The following ASTN2 variants were observed in gnomAD, a reference collection of about 807,000 sequenced individuals.
ASTN2 encodes the protein astrotactin 2.
ASTN2 carries 54 observed loss-of-function variants against 139.8 expected under a neutral mutation model. The observed-to-expected ratio is 0.39, with a 90% CI of 0.31 to 0.48. The LOEUF is 0.48. ASTN2 is among the 20% of genes least tolerant of loss of function. The pLI is 0.95. For missense variants in ASTN2, 1,565 were observed against 1,725.1 expected, an observed-to-expected ratio of 0.91 and a Z score of 1.64; for synonymous variants, 756 against 719.5, an observed-to-expected ratio of 1.05 and a Z score of -0.81.
At chr9:116,686,748 T>C (rs2132037109) in intron 16 of ASTN2, 8 of 1,550,628 alleles carry the variant, frequency 5.2e-6, no homozygotes, top group Non-Finnish European at 7.0e-6. Flanking sequence ...AGTCTGCCTC[T>C]GCTGTCGGCC....
chr9:116,588,303 A>C (rs1477861023), intron 19 of ASTN2, among the ~76,000 whole-genome samples: 2 of 152,224 alleles, frequency 1.3e-5, no homozygotes, highest in African/African-American at 4.8e-5. Context: ...CTATTGAAAG[A>C]CATGTTTTTG....
At chr9:117,238,957 G>A (rs1833127703) in intron 2 of ASTN2, among the ~76,000 whole-genome samples, 1 of 152,158 alleles carries the variant, frequency 6.6e-6, no homozygotes, top group African/African-American at 2.4e-5. Flanking sequence ...GTCTTTCTCA[G>A]CTATAAGATA....
chr9:116,737,438 A>T (rs1221477422), intron 13 of ASTN2, among the ~76,000 whole-genome samples: 1 of 149,568 alleles, frequency 6.7e-6, no homozygotes, highest in Non-Finnish European at 1.5e-5. Flanking sequence ...AATAATTCAG[A>T]TTCTTAGCGC....
At chr9:116,846,095 G>A (rs954191035) in intron 11 of ASTN2, among the ~76,000 whole-genome samples, 4 of 152,154 alleles carry the variant, frequency 2.6e-5, no homozygotes, top group African/African-American at 7.2e-5. Flanking sequence ...AGTGAAATAA[G>A]CCAGTCACAA....
chr9:117,407,490 A>T (rs1588020061), intron 1 of ASTN2, among the ~76,000 whole-genome samples: 1 of 152,210 alleles, frequency 6.6e-6, no homozygotes, highest in African/African-American at 2.4e-5. Flanking sequence ...GGGGATGAAG[A>T]AGTAGTTTCC....
chr9:116,493,517 T>C (rs1016393198), intron 19 of ASTN2, among the ~76,000 whole-genome samples: 3 of 152,084 alleles, frequency 2.0e-5, no homozygotes, highest in African/African-American at 7.2e-5. Flanking sequence ...CCACAGAAAA[T>C]GTTAATCATG....
chr9:116,586,136 T>C (rs1047301112), intron 19 of ASTN2: 1 of 151,986 alleles, frequency 6.6e-6, no homozygotes, highest in Non-Finnish European at 1.5e-5. Flanking sequence ...TATCAAAAAG[T>C]CAAAAAACAA....
chr9:116,698,047 C>A lies in ASTN2; in HGVS notation c.2806+27724G>T. 1.2e-6 allele frequency: 2 copies of A among 1,613,996 alleles called. No homozygotes were observed. Among genetic ancestry groups the A allele is most frequent in the Non-Finnish European group, 1.7e-6 (2 of 1,180,040 alleles). On this transcript the variant is annotated intron_variant, in intron 16 of 22. Coordinates refer to ENST00000313400, the MANE Select transcript of ASTN2 (RefSeq NM_001365068.1). The surrounding 1 kb of genome is among the most constrained non-coding windows in gnomAD (Gnocchi z 4.4). The stretch of plus-strand genomic sequence containing the variant: ...GCTGTGGGGCTGCTCATGTGTCGGT[C>A]CTGTGGGCGGCGTCTGCCCCGGCAA...
At chr9:116,894,424 C>G (rs1002003628) in intron 10 of ASTN2, among the ~76,000 whole-genome samples, 3 of 152,156 alleles carry the variant, frequency 2.0e-5, no homozygotes, top group Admixed American at 2.0e-4. Flanking sequence ...TGAGTTTGAC[C>G]AGCATGATTT....
chr9:116,689,715 T>C (rs1181603983), intron 16 of ASTN2, among the ~76,000 whole-genome samples: 1 of 151,976 alleles, frequency 6.6e-6, no homozygotes, highest in African/African-American at 2.4e-5. Context: ...AACTCTAAAG[T>C]TGGGGGGTAA....
intron 10 of ASTN2, among the ~76,000 whole-genome samples, chr9:116,905,860 T>A (rs1239475482): frequency 6.9e-6 from 1 of 144,346 alleles, no homozygotes; most frequent in East Asian, 2.1e-4. Context: ...CTGTTTTTTT[T>A]TTTTTTGGGG....
chr9:116,785,597 C>T (rs1472341717), intron 13 of ASTN2, among the ~76,000 whole-genome samples: 1 of 152,200 alleles, frequency 6.6e-6, no homozygotes, highest in Non-Finnish European at 1.5e-5. Flanking sequence ...GCCTGCTCCT[C>T]CTGTGGGCTT....
At chr9:116,802,083 C>CTTTTTTTTT (rs796156202) in intron 13 of ASTN2, among the ~76,000 whole-genome samples, 9 of 121,748 alleles carry the variant, frequency 7.4e-5, no homozygotes, top group Non-Finnish European at 1.0e-4. Flanking sequence ...TTCTTTCTTT[C>CTTTTTTTTT]TTTTTTTTTT....
At chr9:116,662,005 A>AT (rs897153924) in intron 16 of ASTN2, among the ~76,000 whole-genome samples, 1 of 150,488 alleles carries the variant, frequency 6.6e-6, no homozygotes, top group African/African-American at 2.5e-5. Flanking sequence ...TAGAACTTAA[A>AT]TTAAAAAAAA....
At chr9:117,119,485 C>T (rs1352700568) in intron 4 of ASTN2, among the ~76,000 whole-genome samples, 5 of 152,112 alleles carry the variant, frequency 3.3e-5, no homozygotes, top group African/African-American at 9.7e-5. Flanking sequence ...TCCTGACCCT[C>T]TCCAGCACCT....
chr9:116,606,157 C>T (rs1016593101), intron 19 of ASTN2, among the ~76,000 whole-genome samples: 19 of 152,190 alleles, frequency 1.2e-4, no homozygotes, highest in African/African-American at 3.6e-4. Context: ...GATTAGCGTG[C>T]GGGGCATTCA....
At chr9:117,131,262 G>A (rs1267930884) in intron 4 of ASTN2, among the ~76,000 whole-genome samples, 1 of 152,038 alleles carries the variant, frequency 6.6e-6, no homozygotes, top group Non-Finnish European at 1.5e-5. Flanking sequence ...AGTCAGACAT[G>A]TCTCATTATA....
At chr9:116,449,406 T>TA (rs1374494177) in intron 20 of ASTN2, among the ~76,000 whole-genome samples, 1 of 152,164 alleles carries the variant, frequency 6.6e-6, no homozygotes, top group East Asian at 1.9e-4. Flanking sequence ...ACCCTGCCTC[T>TA]AAATAAATAA....
At chr9:116,876,187 C>A (rs1485768814) in intron 10 of ASTN2, among the ~76,000 whole-genome samples, 1 of 152,056 alleles carries the variant, frequency 6.6e-6, no homozygotes, top group Non-Finnish European at 1.5e-5. Flanking sequence ...TGATTCCAAC[C>A]CTCATGAATG....
Sources: allele counts gnomAD v4.1 joint callset (sites outside exome capture counted in the v4.1 genomes callset), GRCh38; gene constraint gnomAD v4.1.1; non-coding constraint Gnocchi (gnomAD v3.1); transcripts MANE v1.5; gene names NCBI Gene and HGNC (gene_info 2026-07-23, HGNC 2026-07-21).